PRDM5: variants seen among roughly 807,000 people sequenced by gnomAD.
PRDM5 encodes the protein PR domain zinc finger protein 5.
PRDM5 carries 56 observed loss-of-function variants against 81.2 expected under a neutral mutation model. The observed-to-expected ratio is 0.69, with a 90% CI of 0.56 to 0.86. The LOEUF (loss-of-function observed/expected upper bound fraction) is 0.86, where lower values mean the gene tolerates loss of function less well. PRDM5 is among the 40% of genes least tolerant of loss of function. The pLI is 0.00. For missense variants in PRDM5, 697 were observed against 770.1 expected (o/e 0.91, Z 1.12); for synonymous variants, 267 against 256.4 (o/e 1.04, Z -0.39).
chr4:120,902,986 A>C (rs1183106063), intron 2 of PRDM5, among the ~76,000 whole-genome samples: 1 of 152,174 alleles, frequency 6.6e-6, no homozygotes, highest in African/African-American at 2.4e-5. Flanking sequence ...TTTGGTATGA[A>C]ATGGCTCCCC....
Position 120,821,179 on chromosome 4 carries a change from C to T in PRDM5, c.467G>A (p.Gly156Asp). 3 of 1,614,066 alleles carry T rather than the reference C, an allele frequency of 1.9e-6. No homozygotes were observed. Among genetic ancestry groups the T allele is most frequent in the Admixed American group, 1.7e-5 (1 of 60,018 alleles). Residue 156 changes from glycine to aspartate, a missense_variant, in exon 4 of 16, where the codon GGC (glycine) becomes GAC (aspartate). Transcript: ENST00000264808. ...VENSRRQSTA[G>D]RKDRLGCKED... is the part of the protein sequence containing the mutation. ...AATTAAAGATGCAATACCTTTTCTG[C>T]CCGCTGTTGATTGTCTTCTAGAATT...
intron 2 of PRDM5, among the ~76,000 whole-genome samples, chr4:120,853,896 A>G (rs1383088186): frequency 6.6e-6 from 1 of 152,132 alleles, no homozygotes; most frequent in Non-Finnish European, 1.5e-5. Context: ...CTTTTCTCCA[A>G]AGAGAAGGGT....
intron 8 of PRDM5, among the ~76,000 whole-genome samples, chr4:120,808,831 AGGGTTTGC>A (rs1245785610): frequency 6.6e-6 from 1 of 152,170 alleles, no homozygotes; most frequent in Non-Finnish European, 1.5e-5. Flanking sequence ...CTCACTGCCC[AGGGTTTGC>A]GGGCTGGCCG....
At chr4:120,724,488 T>A (rs1739104528) in intron 14 of PRDM5, among the ~76,000 whole-genome samples, 1 of 152,134 alleles carries the variant, frequency 6.6e-6, no homozygotes, top group Non-Finnish European at 1.5e-5. Flanking sequence ...GAAATGAGAA[T>A]TCAACATAGT....
chr4:120,706,085 C>CTTTTTTT (rs5861484), intron 15 of PRDM5, among the ~76,000 whole-genome samples: 2 of 143,296 alleles, frequency 1.4e-5, no homozygotes, highest in African/African-American at 2.6e-5. Flanking sequence ...GATCCTAGAT[C>CTTTTTTT]TTTTTTTTTT....
intron 3 of PRDM5, among the ~76,000 whole-genome samples, chr4:120,848,533 T>C (rs139010650): frequency 1.7e-3 from 254 of 152,268 alleles, no homozygotes; most frequent in African/African-American, 5.8e-3. Context: ...TAATAATATC[T>C]TTCTCATACA....
intron 2 of PRDM5, among the ~76,000 whole-genome samples, chr4:120,886,063 G>A (rs775968070): frequency 2.0e-5 from 3 of 152,048 alleles, no homozygotes; most frequent in African/African-American, 4.8e-5. Flanking sequence ...TGAAACATTC[G>A]ATTGCTTTGC....
At chr4:120,734,258 T>A (rs1236054475) in intron 14 of PRDM5, among the ~76,000 whole-genome samples, 1 of 151,628 alleles carries the variant, frequency 6.6e-6, no homozygotes, top group Admixed American at 6.6e-5. Flanking sequence ...TTTGTTTGTT[T>A]TTTTTTTAGC....
At chr4:120,821,384 T>C in intron 3 of PRDM5, 39 bp from the exon 4 acceptor site, 3 of 1,545,444 alleles carry the variant, frequency 1.9e-6, no homozygotes, top group Non-Finnish European at 2.7e-6. Context: ...CATTCATTTG[T>C]TTCTGATAGT....
rs1764404173 is a variant in PRDM5, at chr4:120,894,486, C to T, written c.177+12988G>A. Among the ~76,000 whole-genome samples, 6 of 152,142 alleles carry T rather than the reference C, an allele frequency of 3.9e-5. No individual in the cohort carries two copies. In the South Asian group the frequency reaches 1.2e-3, roughly 32 times the overall value. On this transcript the variant is annotated intron_variant, in intron 2 of 15. Transcript: ENST00000264808. Reference sequence around the variant, plus strand: ...TAATATTTCTTCTGGCGCAAGTCAGCTAGTGATAAAGTCTCAGTTTTTGCT... The same window carrying T: ...TAATATTTCTTCTGGCGCAAGTCAGTTAGTGATAAAGTCTCAGTTTTTGCT...
chr4:120,920,684 G>A (rs560101105), intron 1 of PRDM5, among the ~76,000 whole-genome samples: 3 of 152,278 alleles, frequency 2.0e-5, no homozygotes, highest in Admixed American at 1.3e-4. Flanking sequence ...TGAATATTTT[G>A]GGATCATAAC....
At chr4:120,696,582 A>G (rs1734544169) in intron 15 of PRDM5, among the ~76,000 whole-genome samples, 1 of 152,166 alleles carries the variant, frequency 6.6e-6, no homozygotes, top group Non-Finnish European at 1.5e-5. Flanking sequence ...ATGCCTTTTA[A>G]ATTTAGTTTC....
At chr4:120,773,345 A>T (rs1747577495) in intron 13 of PRDM5, among the ~76,000 whole-genome samples, 1 of 152,260 alleles carries the variant, frequency 6.6e-6, no homozygotes, top group Admixed American at 6.5e-5. Flanking sequence ...CAGTCAAACA[A>T]AATTTAGAAT....
intron 15 of PRDM5, 90 bp downstream of exon 15, chr4:120,710,219 A>T: frequency 9.3e-7 from 1 of 1,079,858 alleles, no homozygotes; most frequent in Non-Finnish European, 1.4e-6. Context: ...ACACACACAC[A>T]GACACACACA....
At chr4:120,858,645 C>T (rs534384581) in intron 2 of PRDM5, among the ~76,000 whole-genome samples, 2 of 152,186 alleles carry the variant, frequency 1.3e-5, no homozygotes, top group South Asian at 2.1e-4. Flanking sequence ...TTCTACCTTC[C>T]GTCCCTCTGC....
chr4:120,770,044 A>G (rs12499586), intron 13 of PRDM5, among the ~76,000 whole-genome samples: 11,771 of 149,608 alleles, frequency 0.079, 663 homozygotes, highest in Middle Eastern at 0.17. Flanking sequence ...TTGTTTGTTT[A>G]TTTTTTGAGG....
At chr4:120,836,465 A>G (rs1454456835) in intron 3 of PRDM5, among the ~76,000 whole-genome samples, 1 of 152,194 alleles carries the variant, frequency 6.6e-6, no homozygotes, top group Non-Finnish European at 1.5e-5. Flanking sequence ...CTATAGAAAC[A>G]TCCTCTTAAG....
chr4:120,780,999 GA>G, intron 12 of PRDM5, 143 bp downstream of exon 12: 2 of 771,302 alleles, frequency 2.6e-6, no homozygotes, highest in South Asian at 3.8e-5. Flanking sequence ...AACATTGTCT[GA>G]AGAGCTGATA....
rs934603025 is a variant in PRDM5 at position 120,821,188 on chromosome 4, G to A, written c.458C>T (p.Ser153Leu). The A allele has an allele frequency of 6.2e-7, 1 of 1,614,090 alleles. No homozygotes were observed. Among genetic ancestry groups the A allele is most frequent in the Non-Finnish European group, 8.5e-7 (1 of 1,179,996 alleles). ...TGCAATACCTTTTCTGCCCGCTGTT[G>A]ATTGTCTTCTAGAATTTTCAACTTC... ...EGEVENSRRQ[S>L]TAGRKDRLGC... The change falls in exon 4 of 16, where the codon TCA becomes TTA. Residue 153 changes from serine (S) to leucine (L), a missense_variant. Physicochemically the swap from Ser to Leu is moderately radical, Grantham distance 145 (BLOSUM62 -2). Coordinates refer to ENST00000264808, the MANE Select transcript of PRDM5 (RefSeq NM_018699.4).
Sources: allele counts gnomAD v4.1 joint callset (sites outside exome capture counted in the v4.1 genomes callset), GRCh38; gene constraint gnomAD v4.1.1; transcripts MANE v1.5; gene names NCBI Gene and HGNC (gene_info 2026-07-23, HGNC 2026-07-21).